The following MGAT4D variants were observed in gnomAD, a reference collection of about 807,000 sequenced individuals.
MGAT4D encodes MGAT4 family member D, also known as alpha-1,3-mannosyl-glycoprotein 4-beta-N-acetylglucosaminyltransferase-like protein MGAT4D.
A neutral mutation model predicts 15.9 loss-of-function variants in MGAT4D; 34 were observed. That is an observed-to-expected ratio of 2.14 (90% CI 1.62 to 2.84). The LOEUF (loss-of-function observed/expected upper bound fraction) is 2.84, where lower values mean the gene tolerates loss of function less well. Among genes scored for constraint, MGAT4D ranks in the 30% most tolerant of loss-of-function variants. MGAT4D has a pLI of 0.00. For synonymous variants in MGAT4D, 112 were observed against 48.2 expected, an observed-to-expected ratio of 2.33 and a Z score of -5.49; for missense variants, 327 against 140.2, an observed-to-expected ratio of 2.33 and a Z score of -6.73.
chr4:140,461,884 C>CAT, intron 7 of MGAT4D, 45 bp downstream of exon 7: 1 of 352,086 alleles, frequency 2.8e-6, no homozygotes. Flanking sequence ...GGTGTATACA[C>CAT]ACACACACAC....
chr4:140,465,206 C>T (rs1404555920), intron 5 of MGAT4D, among the ~76,000 whole-genome samples, 197 bp from the exon 6 acceptor site: 1 of 152,124 alleles, frequency 6.6e-6, no homozygotes, highest in Non-Finnish European at 1.5e-5. Flanking sequence ...TATTAAAATA[C>T]ACAATATAAA....
Position 140,498,163 on chromosome 4 carries a change from G to A in MGAT4D, c.60C>T (p.Phe20=), listed in dbSNP as rs1230768805. The A allele has an allele frequency of 1.4e-6, 1 of 702,692 alleles. No homozygotes were observed. Among genetic ancestry groups the A allele is most frequent in the Non-Finnish European group, 2.6e-6 (1 of 384,746 alleles). The allele number at this position is 702,692 out of a possible 1,614,324, so 43.5% of individuals were successfully genotyped here. The change falls in exon 1 of 11, where the codon TTC becomes TTT. Residue 20 remains phenylalanine, a synonymous_variant. Transcript: ENST00000511113. The part of the protein sequence containing the change: ...ITLVAVALFS[F]SCFSIYRITQ... ...TTATCCTGTAGATGGAGAAGCAAGAGAAGCTGAACAACGCGACGGCGACCA... is the reference window on the plus strand; with the variant it reads ...TTATCCTGTAGATGGAGAAGCAAGAAAAGCTGAACAACGCGACGGCGACCA...
intron 10 of MGAT4D, among the ~76,000 whole-genome samples, chr4:140,449,371 GTTA>G (rs1160992032): frequency 1.3e-5 from 2 of 152,066 alleles, no homozygotes; most frequent in South Asian, 2.1e-4. Context: ...GTTTTATTAA[GTTA>G]TTATTTTTTG....
intron 4 of MGAT4D, among the ~76,000 whole-genome samples, chr4:140,472,119 A>G (rs938216459): frequency 9.2e-5 from 14 of 152,260 alleles, no homozygotes; most frequent in East Asian, 7.7e-4. Flanking sequence ...AAAATATTAT[A>G]TATCTAAAGA....
chr4:140,489,227 C>T (rs1246585708), intron 1 of MGAT4D, among the ~76,000 whole-genome samples: 1 of 152,044 alleles, frequency 6.6e-6, no homozygotes, highest in Admixed American at 6.6e-5. Flanking sequence ...AAGGTAATTA[C>T]TAGAAGATGA....
intron 10 of MGAT4D, among the ~76,000 whole-genome samples, chr4:140,445,758 T>C (rs1730081302): frequency 6.6e-6 from 1 of 152,230 alleles, no homozygotes; most frequent in Admixed American, 6.5e-5. Flanking sequence ...GCCAGCCAGT[T>C]ATCCCAGCGC....
chr4:140,498,093 G>C (rs1234083694), intron 1 of MGAT4D, 36 bp downstream of exon 1: 1 of 694,804 alleles, frequency 1.4e-6, no homozygotes, highest in Non-Finnish European at 2.6e-6. Context: ...AGCCCCCGCG[G>C]CGGGAAAGGA....
At chr4:140,495,354 A>G (rs1318951036) in intron 1 of MGAT4D, among the ~76,000 whole-genome samples, 2 of 152,200 alleles carry the variant, frequency 1.3e-5, no homozygotes, top group African/African-American at 2.4e-5. Flanking sequence ...GATATCATAT[A>G]GTAATTATAT....
intron 10 of MGAT4D, among the ~76,000 whole-genome samples, chr4:140,450,943 T>C (rs1578637009): frequency 1.3e-5 from 2 of 152,142 alleles, no homozygotes; most frequent in East Asian, 3.8e-4. Flanking sequence ...CTGAAAATGA[T>C]GCAAAATTTT....
At chr4:140,470,358 G>C (rs1731842424) in intron 5 of MGAT4D, among the ~76,000 whole-genome samples, 1 of 152,172 alleles carries the variant, frequency 6.6e-6, no homozygotes, top group South Asian at 2.1e-4. Context: ...AGCTGGAATT[G>C]TTTTGACTAG....
chr4:140,465,806 T>C (rs1202401014), intron 5 of MGAT4D, among the ~76,000 whole-genome samples: 3 of 152,224 alleles, frequency 2.0e-5, no homozygotes, highest in Admixed American at 2.0e-4. Context: ...CCTTGCTTTG[T>C]ACAATTCTGA....
In MGAT4D at chr4:140,479,504, T is replaced by G; in HGVS notation, c.377A>C (p.Lys126Thr). Residue 126 changes from lysine (K) to threonine (T), a missense_variant, in exon 3 of 11, where the codon AAA becomes ACA. Physicochemically the swap from Lys to Thr is moderately conservative, Grantham distance 78 (BLOSUM62 -1). Transcript: ENST00000511113. ...GRIYPDVIIG[K>T]GKTGVSFALG... ...AGTTTTCTTACCACCAGTTTTCCCT[T>G]TGCCAATGATTACATCAGGATAAAT... 1 of 496,000 alleles carries G rather than the reference T, an allele frequency of 2.0e-6. No individual in the cohort carries two copies. The highest frequency in any genetic ancestry group is 3.6e-6 in the Non-Finnish European group (1 of 280,620). The allele number at this position is 496,000 out of a possible 1,614,324, so 30.7% of individuals were successfully genotyped here. A position where few individuals can be genotyped will look rare whatever the true frequency, so the allele number is the denominator to read the frequency against.
At chr4:140,483,109 C>T (rs930738122) in intron 1 of MGAT4D, among the ~76,000 whole-genome samples, 2 of 152,120 alleles carry the variant, frequency 1.3e-5, no homozygotes, top group African/African-American at 2.4e-5. Flanking sequence ...TTTGCCTCTG[C>T]TCCTTCTGGT....
chr4:140,450,673 CA>C (rs1040294986), intron 10 of MGAT4D, among the ~76,000 whole-genome samples: 9 of 152,142 alleles, frequency 5.9e-5, no homozygotes, highest in African/African-American at 2.2e-4. Flanking sequence ...ATTCAGTTGA[CA>C]AAGGATTAAA....
intron 10 of MGAT4D, among the ~76,000 whole-genome samples, chr4:140,451,033 T>C (rs1353491310): frequency 1.3e-5 from 2 of 152,242 alleles, no homozygotes; most frequent in African/African-American, 4.8e-5. Flanking sequence ...AAAATTCTGA[T>C]ACATTTAAAT....
At chr4:140,465,078 A>G in intron 5 of MGAT4D, 69 bp from the exon 6 acceptor site, 1 of 628,324 alleles carries the variant, frequency 1.6e-6, no homozygotes, top group Non-Finnish European at 2.9e-6. Context: ...AAATACTTAA[A>G]AATAATTTTC....
At chr4:140,478,159 C>T (rs1732462750) in intron 3 of MGAT4D, among the ~76,000 whole-genome samples, 1 of 152,150 alleles carries the variant, frequency 6.6e-6, no homozygotes, top group Non-Finnish European at 1.5e-5. Flanking sequence ...GATTGGAGAT[C>T]AATAAATTGT....
intron 6 of MGAT4D, among the ~76,000 whole-genome samples, chr4:140,463,380 G>A (rs1200949974): frequency 1.3e-5 from 2 of 152,032 alleles, no homozygotes; most frequent in African/African-American, 4.8e-5. Context: ...ATGCAGATAT[G>A]AGCACAGAAG....
Position 140,498,264 on chromosome 4 carries a change from G to A in MGAT4D, c.-42C>T, listed in dbSNP as rs1158042765. 3 of 701,452 alleles carry A rather than the reference G, an allele frequency of 4.3e-6. No individual in the cohort carries two copies. The highest frequency in any genetic ancestry group is 5.2e-6 in the Non-Finnish European group (2 of 384,094). The allele number at this position is 701,452 out of a possible 1,614,324, so 43.5% of individuals were successfully genotyped here. The stretch of plus-strand genomic sequence containing the variant: ...CGGGAGGCCGGCGGGTGGAGGCGGC[G>A]GATAATGCCAGGGACGGGGTTGAGC... On this transcript the variant is annotated 5_prime_UTR_variant, in exon 1 of 11. Coordinates refer to ENST00000511113, the MANE Select transcript of MGAT4D (RefSeq NM_001277353.2).
Sources: gnomAD v4.1 joint callset for allele counts (sites outside exome capture counted in the v4.1 genomes callset) on GRCh38, gnomAD v4.1.1 for gene constraint, MANE v1.5 for transcripts, NCBI Gene and HGNC (gene_info 2026-07-23, HGNC 2026-07-21) for gene names.